Variants in OPCML observed in about 807,000 individuals in gnomAD.
The protein encoded by OPCML is opioid binding protein/cell adhesion molecule like.
Under a neutral mutation model 37.8 loss-of-function variants are expected in OPCML, and 13 were observed. That is an observed-to-expected ratio of 0.34 (90% CI 0.22 to 0.55). The LOEUF (loss-of-function observed/expected upper bound fraction) is 0.55, where lower values mean the gene tolerates loss of function less well. OPCML is among the 20% of genes least tolerant of loss of function. The probability of loss-of-function intolerance (pLI) is 0.91; values close to 1 mark genes in which losing one functional copy is unlikely to be tolerated. For missense variants in OPCML, 341 were observed against 435.6 expected (o/e 0.78, Z 1.93); for synonymous variants, 176 against 168.8 (o/e 1.04, Z -0.33).
At chr11:132,454,581 A>G (rs1322180490) in intron 4 of OPCML, among the ~76,000 whole-genome samples, 1 of 152,220 alleles carries the variant, frequency 6.6e-6, no homozygotes, top group Admixed American at 6.5e-5. Context: ...CTGAGGACAG[A>G]GGACAGATGA....
At chr11:132,935,249 GT>G (rs1466784887) in intron 2 of OPCML, among the ~76,000 whole-genome samples, 1 of 151,932 alleles carries the variant, frequency 6.6e-6, no homozygotes, top group East Asian at 1.9e-4. Flanking sequence ...TTGAGAAAAT[GT>G]TTCCATATTA....
At chr11:132,513,289 A>G (rs1461439546) in intron 4 of OPCML, among the ~76,000 whole-genome samples, 1 of 152,074 alleles carries the variant, frequency 6.6e-6, no homozygotes, top group East Asian at 1.9e-4. Flanking sequence ...GGAAAGAGAA[A>G]AGATTGCCAA....
chr11:132,427,884 C>A (rs7104899), intron 7 of OPCML, among the ~76,000 whole-genome samples: 74,702 of 152,042 alleles, frequency 0.49, 20,834 homozygotes, highest in African/African-American at 0.78. Context: ...TTTTTTTCTA[C>A]TATGTTGACA....
chr11:133,194,696 T>C (rs1253466256), intron 1 of OPCML, among the ~76,000 whole-genome samples: 1 of 152,200 alleles, frequency 6.6e-6, no homozygotes, highest in East Asian at 1.9e-4. Flanking sequence ...TTCCTCAAGA[T>C]CCTTTGAAAA....
At chr11:133,478,574 G>A (rs1366174945) in intron 1 of OPCML, among the ~76,000 whole-genome samples, 4 of 152,072 alleles carry the variant, frequency 2.6e-5, no homozygotes, top group African/African-American at 7.2e-5. Flanking sequence ...CAAATTGATC[G>A]GTTTCTTTCA....
At chr11:132,502,070 G>A (rs939473148) in intron 4 of OPCML, among the ~76,000 whole-genome samples, 1 of 152,174 alleles carries the variant, frequency 6.6e-6, no homozygotes, top group African/African-American at 2.4e-5. Flanking sequence ...GCTTTCTGAT[G>A]ACAATCTCTA....
chr11:132,552,389 C>G (rs186953234), intron 3 of OPCML, among the ~76,000 whole-genome samples: 1 of 152,310 alleles, frequency 6.6e-6, no homozygotes, highest in African/African-American at 2.4e-5. Flanking sequence ...TGGAGTTGAT[C>G]CCTCTTTCCT....
chr11:133,044,878 G>A (rs1947978071), intron 1 of OPCML, among the ~76,000 whole-genome samples: 1 of 152,048 alleles, frequency 6.6e-6, no homozygotes, highest in Non-Finnish European at 1.5e-5. Context: ...GGTCAAAGAC[G>A]GGCCCCAGAA....
chr11:133,504,113 C>T (rs971757220), intron 1 of OPCML, among the ~76,000 whole-genome samples: 3 of 152,184 alleles, frequency 2.0e-5, no homozygotes, highest in African/African-American at 4.8e-5. Context: ...TCAGAGAACT[C>T]ATCTGCCACC....
chr11:132,643,140 G>T (rs964917647), intron 3 of OPCML, among the ~76,000 whole-genome samples: 35 of 152,128 alleles, frequency 2.3e-4, no homozygotes, highest in African/African-American at 7.0e-4. Flanking sequence ...AGCCAGGCAT[G>T]GTGGCACGAG....
chr11:132,910,495 G>A (rs912016388), intron 2 of OPCML, among the ~76,000 whole-genome samples: 2 of 152,244 alleles, frequency 1.3e-5, no homozygotes, highest in African/African-American at 4.8e-5. Context: ...TAGGGAGGAT[G>A]CAAATGGCGC....
chr11:132,741,014 C>G (rs1474119745), intron 2 of OPCML, among the ~76,000 whole-genome samples: 1 of 152,196 alleles, frequency 6.6e-6, no homozygotes, highest in South Asian at 2.1e-4. Flanking sequence ...TCAAATCCAG[C>G]ATCCACTGGG....
chr11:133,353,272 T>C (rs1224821087), intron 1 of OPCML, among the ~76,000 whole-genome samples: 1 of 152,106 alleles, frequency 6.6e-6, no homozygotes, highest in Non-Finnish European at 1.5e-5. Flanking sequence ...GTTCAAACAA[T>C]TCTCTGGCCT....
intron 2 of OPCML, among the ~76,000 whole-genome samples, chr11:132,779,187 C>T (rs775007898): frequency 6.6e-6 from 1 of 152,000 alleles, no homozygotes; most frequent in East Asian, 1.9e-4. Flanking sequence ...AGGCTGGCCT[C>T]GAACTCCTGA....
At position 133,174,951 on chromosome 11, in the gene OPCML, A is replaced by G. The variant is rs1340859628; in HGVS notation, c.62-231941T>C. Among the ~76,000 whole-genome samples, 2 of 152,206 alleles carry G rather than the reference A, an allele frequency of 1.3e-5. No homozygotes were observed. The highest frequency in any genetic ancestry group is 4.1e-4 in the South Asian group (2 of 4,826). Reference sequence around the variant, plus strand: ...ACTCCTGTCTCTACAAAAAATTTTTAAAAAGTAACTGTACATGGTGTTGCA... The same window carrying G: ...ACTCCTGTCTCTACAAAAAATTTTTGAAAAGTAACTGTACATGGTGTTGCA... On this transcript the variant is annotated intron_variant, in intron 1 of 7. Coordinates refer to ENST00000524381, the MANE Select transcript of OPCML (RefSeq NM_001012393.5). The surrounding 1 kb of genome is among the most constrained non-coding windows in gnomAD (Gnocchi z 4.6).
In OPCML at chr11:133,458,646, GATGCACGTGTGTGTGTATA is replaced by G. The variant is rs1946772629; in HGVS notation, c.61+73599_61+73617del. 1.2e-4 allele frequency among the ~76,000 whole-genome samples: 14 copies of G among 115,094 alleles called. No individual in the cohort carries two copies. The East Asian group carries it at 2.1e-3, about 17-fold the overall frequency. 75.5% of individuals were successfully genotyped at this position (115,094 alleles called of 152,430 possible). ...ACACGTGTGTGTGTATATACACATA[GATGCACGTGTGTGTGTATA>G]TATACACATAGATGCACGTGTGTGT... On this transcript the variant is annotated intron_variant, in intron 1 of 7. Transcript: ENST00000524381.
intron 1 of OPCML, among the ~76,000 whole-genome samples, chr11:133,186,518 G>A (rs915350062): frequency 6.6e-6 from 1 of 151,846 alleles, no homozygotes; most frequent in African/African-American, 2.4e-5. Context: ...GGGGGCGGGG[G>A]GAAGAGAAAG....
At chr11:133,417,179 T>A (rs1016831196) in intron 1 of OPCML, among the ~76,000 whole-genome samples, 3 of 152,158 alleles carry the variant, frequency 2.0e-5, no homozygotes, top group African/African-American at 7.2e-5. Context: ...TTTCCCTGAG[T>A]TCTGTGAGCC....
At chr11:132,887,932 G>A (rs1031417320) in intron 2 of OPCML, among the ~76,000 whole-genome samples, 4 of 152,172 alleles carry the variant, frequency 2.6e-5, no homozygotes, top group Non-Finnish European at 5.9e-5. Flanking sequence ...GGAAAGTTGA[G>A]GCCAGGCCAA....
Sources: gnomAD v4.1 joint callset for allele counts (sites outside exome capture counted in the v4.1 genomes callset) on GRCh38, gnomAD v4.1.1 for gene constraint, Gnocchi (gnomAD v3.1) non-coding constraint, MANE v1.5 for transcripts, NCBI Gene and HGNC (gene_info 2026-07-23, HGNC 2026-07-21) for gene names.